FRMD8: variants seen among roughly 807,000 people sequenced by gnomAD.
FRMD8 encodes the protein FERM domain-containing protein 8.
In FRMD8, 37 loss-of-function variants were observed where a neutral mutation model predicts 54.2. The ratio of observed to expected loss-of-function variants is 0.68; its 90% confidence interval spans 0.53 to 0.90. FRMD8 has a LOEUF of 0.90. FRMD8 is among the 40% of genes least tolerant of loss of function. FRMD8 has a pLI of 0.00. For missense variants in FRMD8, 585 were observed against 653.7 expected, an observed-to-expected ratio of 0.89 and a Z score of 1.15; for synonymous variants, 246 against 286.9, an observed-to-expected ratio of 0.86 and a Z score of 1.44.
At chr11:65,376,394 A>G in the FRMD8 span, 3 of 1,607,292 alleles carry the variant, frequency 1.9e-6, no homozygotes, top group Non-Finnish European at 2.6e-6. Flanking sequence ...AGCTGCTGGC[A>G]TTGCCGCAGG....
chr11:65,411,672 T>G lies in FRMD8; in HGVS notation c.*312T>G. The G allele has an allele frequency of 8.0e-6, 2 of 249,716 alleles. No homozygotes were observed. Among genetic ancestry groups the G allele is most frequent in the African/African-American group, 2.2e-5 (1 of 44,882 alleles). The allele number at this position is 249,716 out of a possible 1,614,324, so 15.5% of individuals were successfully genotyped here. A position where few individuals can be genotyped will look rare whatever the true frequency, so the allele number is the denominator to read the frequency against. Reference sequence around the variant, plus strand: ...ACCCTCACCTAGAAACATGCCTTTGTGCCCACCTCAAGATGGGCAGTGTCC... The same window carrying G: ...ACCCTCACCTAGAAACATGCCTTTGGGCCCACCTCAAGATGGGCAGTGTCC... On this transcript the variant is annotated 3_prime_UTR_variant, in exon 11 of 11. Transcript: ENST00000317568.
In FRMD8 at chr11:65,400,895, T is replaced by G; in HGVS notation, c.1071+28T>G. On this transcript the variant is annotated intron_variant, in intron 9 of 10. Coordinates refer to ENST00000317568, the MANE Select transcript of FRMD8 (RefSeq NM_031904.5). The surrounding 1 kb of genome is among the most constrained non-coding windows in gnomAD (Gnocchi z 4.3). ...AGCGCGGGTGGTGCCTGCACACGGG[T>G]GGGGAGGCTGGGCCCAGGTGCCCTG... 6.4e-7 allele frequency: 1 copy of G among 1,562,128 alleles called. No individual in the cohort carries two copies. Among genetic ancestry groups the G allele is most frequent in the Non-Finnish European group, 8.7e-7 (1 of 1,153,050 alleles).
chr11:65,371,031 C>T, the FRMD8 span, among the ~76,000 whole-genome samples: 3 of 152,188 alleles, frequency 2.0e-5, no homozygotes, highest in African/African-American at 4.8e-5. Context: ...GGCAGCAGGG[C>T]GGGCTGGGGA....
the FRMD8 span, chr11:65,380,687 C>A: frequency 9.8e-7 from 1 of 1,021,702 alleles, no homozygotes; most frequent in Non-Finnish European, 1.3e-6. Flanking sequence ...TCCCCTCCAC[C>A]TGCCCACTGC....
Position 65,386,680 on chromosome 11 carries a change from G to C in FRMD8, c.-82G>C, listed in dbSNP as rs970757469. On this transcript the variant is annotated 5_prime_UTR_variant, in exon 1 of 11. Coordinates refer to ENST00000317568, the MANE Select transcript of FRMD8 (RefSeq NM_031904.5). ...GCGTCCTTAGCGGGAGCCCGAGTGC[G>C]GGCGGTGGCGGGCTTGGCGGCGGGG... is the stretch of plus-strand genomic sequence containing the variant. 2 of 283,872 alleles carry C rather than the reference G, an allele frequency of 7.0e-6. No homozygotes were observed. The highest frequency in any genetic ancestry group is 1.3e-5 in the Non-Finnish European group (2 of 151,862). 17.6% of individuals were successfully genotyped at this position (283,872 alleles called of 1,614,324 possible).
the FRMD8 span, chr11:65,380,872 G>A: frequency 3.4e-6 from 1 of 298,264 alleles, no homozygotes; most frequent in East Asian, 9.6e-5. Context: ...ACAGCCAGGT[G>A]GGGCAGAGGC....
chr11:65,401,446 A>C (rs939355446), intron 9 of FRMD8, among the ~76,000 whole-genome samples: 9 of 123,950 alleles, frequency 7.3e-5, no homozygotes, highest in Admixed American at 8.4e-5. Flanking sequence ...TCCCTCCCAC[A>C]GGGCCCTTTC....
At chr11:65,394,788 C>G (rs1320555505) in intron 6 of FRMD8, among the ~76,000 whole-genome samples, 1 of 152,176 alleles carries the variant, frequency 6.6e-6, no homozygotes, top group Non-Finnish European at 1.5e-5. Flanking sequence ...GGGTGTTCCC[C>G]AGGCGGTCGG....
chr11:65,389,374 G>C lies in FRMD8; in HGVS notation c.99G>C (p.Leu33=). 1 of 1,610,440 alleles carries C rather than the reference G, an allele frequency of 6.2e-7. No homozygotes were observed. The highest frequency in any genetic ancestry group is 8.5e-7 in the Non-Finnish European group (1 of 1,179,978). The change falls in exon 3 of 11, where the codon CTG becomes CTC. Residue 33 remains leucine, a synonymous_variant. Coordinates refer to ENST00000317568, the MANE Select transcript of FRMD8 (RefSeq NM_031904.5). ...TCTCCATCACAGCGGCTGACGTGCT[G>C]GTATACCTAGCGGATGACACGGTGG... ...SSVGARAADV[L]VYLADDTVVP...
the FRMD8 span, chr11:65,379,789 C>T: frequency 6.4e-7 from 1 of 1,561,216 alleles, no homozygotes; most frequent in Non-Finnish European, 8.8e-7. Context: ...CAGAACCCTG[C>T]TGGAGAGGGA....
chr11:65,387,008 G>A, intron 1 of FRMD8, 29 bp from the exon 2 acceptor site: 1 of 1,593,184 alleles, frequency 6.3e-7, no homozygotes. Context: ...CTGGCTCCCG[G>A]TAACTGCTGT....
At chr11:65,382,116 C>T (rs1210253740), upstream of FRMD8, 5 of 665,162 alleles carry the variant, frequency 7.5e-6, no homozygotes, top group East Asian at 2.7e-5. This position sits in a 1 kb window ranked among gnomAD's most constrained non-coding sequence, Gnocchi z 4.4. Context: ...CAGAGGAGAG[C>T]GAGCCAGTTC....
upstream of FRMD8, chr11:65,383,712 C>A (rs1314195138): frequency 6.9e-6 from 1 of 144,712 alleles, no homozygotes. Flanking sequence ...GAGCCAAGAT[C>A]ATGCCACTAT....
At chr11:65,401,503 T>G (rs1856080684) in intron 9 of FRMD8, among the ~76,000 whole-genome samples, 1 of 149,058 alleles carries the variant, frequency 6.7e-6, no homozygotes, top group African/African-American at 2.5e-5. Flanking sequence ...TCTCTCTGGA[T>G]CCTTCATTCC....
chr11:65,379,222 G>A, the FRMD8 span: 1 of 811,058 alleles, frequency 1.2e-6, no homozygotes, highest in Non-Finnish European at 1.9e-6. Flanking sequence ...TCCCCCAGAG[G>A]CCTGCAGCCT....
the FRMD8 span, chr11:65,379,421 G>C: frequency 1.5e-5 from 24 of 1,612,930 alleles, no homozygotes; most frequent in Non-Finnish European, 2.0e-5. Context: ...TGTGCATGTA[G>C]CTGGGCGGCT....
the FRMD8 span, among the ~76,000 whole-genome samples, chr11:65,374,460 C>T: frequency 6.0e-5 from 9 of 149,094 alleles, no homozygotes; most frequent in East Asian, 1.7e-3. Context: ...GTCTCTGAGC[C>T]GAGGCTGCCT....
chr11:65,376,196 A>C, the FRMD8 span: 1 of 621,552 alleles, frequency 1.6e-6, no homozygotes, highest in African/African-American at 1.8e-5. Flanking sequence ...CAAAGGAGTC[A>C]AGGCCAGCTA....
chr11:65,398,860 C>T (rs975472538), intron 7 of FRMD8, among the ~76,000 whole-genome samples: 1 of 152,180 alleles, frequency 6.6e-6, no homozygotes, highest in Non-Finnish European at 1.5e-5. Context: ...TGCTGGTCTC[C>T]AGCCCCATCC....
Sources: allele counts gnomAD v4.1 joint callset (sites outside exome capture counted in the v4.1 genomes callset), GRCh38; gene constraint gnomAD v4.1.1; non-coding constraint Gnocchi (gnomAD v3.1); transcripts MANE v1.5; gene names NCBI Gene and HGNC (gene_info 2026-07-23, HGNC 2026-07-21).